Variants in SHANK2 observed in about 807,000 individuals in gnomAD.
SHANK2 encodes SH3 and multiple ankyrin repeat domains 2, also known as SH3 and multiple ankyrin repeat domains protein 2.
SHANK2 carries 43 observed loss-of-function variants against 133.7 expected under a neutral mutation model. That is an observed-to-expected ratio of 0.32 (90% CI 0.25 to 0.41). SHANK2 has a LOEUF of 0.41. SHANK2 is among the 10% of genes least tolerant of loss of function. The probability of loss-of-function intolerance (pLI) is 1.00; values close to 1 mark genes in which losing one functional copy is unlikely to be tolerated. For synonymous variants in SHANK2, 1,017 were observed against 952.8 expected, an observed-to-expected ratio of 1.07 and a Z score of -1.24; for missense variants, 1,994 against 2,235.8, an observed-to-expected ratio of 0.89 and a Z score of 2.18.
rs1953399116 is a variant in SHANK2, at chr11:71,175,022, C to T, written c.-12-27684G>A. On this transcript the variant is annotated intron_variant, in intron 2 of 25. Transcript: ENST00000601538. This position sits in a 1 kb window ranked among gnomAD's most constrained non-coding sequence, Gnocchi z 4.2. ...CTCCCCCTCCTCCTCTCCCAGTTTACATGTCATGCTCTCAGATAAGCCTTC... is the reference window on the plus strand; with the variant it reads ...CTCCCCCTCCTCCTCTCCCAGTTTATATGTCATGCTCTCAGATAAGCCTTC... Among the ~76,000 whole-genome samples the T allele has an allele frequency of 6.6e-6, 1 of 152,190 alleles. No individual in the cohort carries two copies. Among genetic ancestry groups the T allele is most frequent in the African/African-American group, 2.4e-5 (1 of 41,442 alleles).
intron 25 of SHANK2, among the ~76,000 whole-genome samples, chr11:70,483,193 G>A (rs1430676258): frequency 6.6e-6 from 1 of 152,200 alleles, no homozygotes; most frequent in Admixed American, 6.5e-5. Context: ...GCCTCCTGCT[G>A]GCTGTGTATG....
intron 11 of SHANK2, among the ~76,000 whole-genome samples, chr11:70,852,999 C>G (rs1555066034): frequency 6.6e-6 from 1 of 152,102 alleles, no homozygotes; most frequent in Admixed American, 6.5e-5. Context: ...GTGGGAAGTT[C>G]TGCAGAGCCC....
chr11:70,688,117 C>T (rs1555020098), intron 15 of SHANK2, among the ~76,000 whole-genome samples: 2 of 152,182 alleles, frequency 1.3e-5, no homozygotes, highest in African/African-American at 4.8e-5. Flanking sequence ...TCCCTGCTCT[C>T]CAGCCAGAGT....
intron 15 of SHANK2, among the ~76,000 whole-genome samples, chr11:70,689,642 A>T (rs1455385890): frequency 1.6e-4 from 24 of 152,218 alleles, no homozygotes; most frequent in African/African-American, 5.8e-4. Flanking sequence ...ATAAACAGGA[A>T]CATTGAATAA....
Position 70,471,207 on chromosome 11 carries a change from T to C in SHANK2, c.*1662A>G, listed in dbSNP as rs1274124943. ...ACTTGCAGTAAAGAAAGATTTTAAA[T>C]TGCTAAATTTTATGTGTTCATTCTA... is the stretch of plus-strand genomic sequence containing the variant. On this transcript the variant is annotated 3_prime_UTR_variant, in exon 26 of 26. Transcript: ENST00000601538. This position sits in a 1 kb window ranked among gnomAD's most constrained non-coding sequence, Gnocchi z 4.1. 17 of 398,566 alleles carry C rather than the reference T, an allele frequency of 4.3e-5. No homozygotes were observed. The East Asian group carries it at 4.6e-4, about 11-fold the overall frequency. 24.7% of individuals were successfully genotyped at this position (398,566 alleles called of 1,614,324 possible).
chr11:70,696,818 C>T (rs1555022321), intron 15 of SHANK2, among the ~76,000 whole-genome samples: 1 of 152,206 alleles, frequency 6.6e-6, no homozygotes, highest in African/African-American at 2.4e-5. Context: ...CAAATATCAA[C>T]AGCAATCAAT....
chr11:71,128,568 A>T (rs542678630), intron 3 of SHANK2, among the ~76,000 whole-genome samples: 9 of 152,120 alleles, frequency 5.9e-5, no homozygotes, highest in Non-Finnish European at 1.2e-4. Context: ...AGTTCTCAGG[A>T]CTTCTTCAGG....
At chr11:71,126,673 G>A (rs1191409945) in intron 3 of SHANK2, among the ~76,000 whole-genome samples, 1 of 151,656 alleles carries the variant, frequency 6.6e-6, no homozygotes, top group Admixed American at 6.6e-5. Flanking sequence ...AAGAGGAGGT[G>A]GAAATGTCAA....
intron 15 of SHANK2, among the ~76,000 whole-genome samples, chr11:70,682,194 T>G (rs575379917): frequency 6.6e-6 from 1 of 152,232 alleles, no homozygotes; most frequent in South Asian, 2.1e-4. Context: ...ACTGCCACTG[T>G]CTGAACTGGA....
At chr11:71,114,952 G>A (rs1360572790) in intron 4 of SHANK2, among the ~76,000 whole-genome samples, 2 of 152,082 alleles carry the variant, frequency 1.3e-5, no homozygotes, top group Non-Finnish European at 2.9e-5. Flanking sequence ...TTATTCCAGA[G>A]TCACAAACAT....
chr11:71,233,310 C>T (rs1043782531), intron 1 of SHANK2, among the ~76,000 whole-genome samples: 32 of 152,176 alleles, frequency 2.1e-4, no homozygotes, highest in African/African-American at 7.2e-4. Flanking sequence ...AGGCCTGACC[C>T]AGGCTACAAC....
Position 70,639,885 on chromosome 11 carries a change from A to T in SHANK2, c.2061+19943T>A, listed in dbSNP as rs561794993. On this transcript the variant is annotated intron_variant, in intron 17 of 25. Coordinates refer to ENST00000601538, the MANE Select transcript of SHANK2 (RefSeq NM_012309.5). ...AGTGGTGGAGTTCTACGTGGCTGGG[A>T]TTGGGACATCAGTGGACCCAGGGAC... 5.3e-5 allele frequency among the ~76,000 whole-genome samples: 8 copies of T among 152,152 alleles called. No homozygotes were observed. In the South Asian group the frequency reaches 1.7e-3, roughly 32 times the overall value.
At chr11:70,890,990 G>A (rs769565072) in intron 11 of SHANK2, among the ~76,000 whole-genome samples, 4 of 151,882 alleles carry the variant, frequency 2.6e-5, no homozygotes, top group South Asian at 4.1e-4. Flanking sequence ...GAGTTGTCAC[G>A]GGAAGATGGT....
intron 14 of SHANK2, among the ~76,000 whole-genome samples, chr11:70,729,002 C>G (rs559590900): frequency 6.6e-6 from 1 of 151,866 alleles, no homozygotes; most frequent in Non-Finnish European, 1.5e-5. Flanking sequence ...CTCAGGAGTT[C>G]GAGACCAGCC....
At chr11:70,796,285 T>G (rs1947910719) in intron 14 of SHANK2, among the ~76,000 whole-genome samples, 2 of 152,098 alleles carry the variant, frequency 1.3e-5, no homozygotes, top group Admixed American at 1.3e-4. Flanking sequence ...TCCTGCACAC[T>G]ATCCTGGAAG....
At chr11:70,775,705 C>T (rs1163136931) in intron 14 of SHANK2, among the ~76,000 whole-genome samples, 5 of 152,182 alleles carry the variant, frequency 3.3e-5, no homozygotes, top group African/African-American at 7.2e-5. Flanking sequence ...TACAGAGTGT[C>T]ATCCAAGATG....
rs536428801 is a variant in SHANK2, at chr11:70,853,573, C to T, written c.1175-32891G>A. 1.1e-4 allele frequency among the ~76,000 whole-genome samples: 17 copies of T among 152,268 alleles called. No homozygotes were observed. The East Asian group carries it at 1.9e-3, about 17-fold the overall frequency. On this transcript the variant is annotated intron_variant, in intron 11 of 25. Transcript: ENST00000601538. ...TCTCCTCCCAACAGCTCCACCAGCC[C>T]GGAGCGTGTGATGTGTGTAGGATGC...
intron 12 of SHANK2, among the ~76,000 whole-genome samples, chr11:70,811,915 A>G (rs1452490439): frequency 1.3e-5 from 2 of 152,252 alleles, no homozygotes; most frequent in African/African-American, 4.8e-5. Flanking sequence ...GTTCAGAAAG[A>G]TCTTGCCTGA....
At chr11:71,190,717 C>T (rs1953775545) in intron 2 of SHANK2, among the ~76,000 whole-genome samples, 2 of 152,162 alleles carry the variant, frequency 1.3e-5, no homozygotes, top group Admixed American at 6.5e-5. Flanking sequence ...TGCACGCAGG[C>T]GTTGAGAGGA....
Sources: allele counts gnomAD v4.1 joint callset (sites outside exome capture counted in the v4.1 genomes callset), GRCh38; gene constraint gnomAD v4.1.1; non-coding constraint Gnocchi (gnomAD v3.1); transcripts MANE v1.5; gene names NCBI Gene and HGNC (gene_info 2026-07-23, HGNC 2026-07-21).